MDH1B: variants seen among roughly 807,000 people sequenced by gnomAD.
MDH1B encodes putative malate dehydrogenase 1B.
MDH1B carries 60 observed loss-of-function variants against 61.4 expected under a neutral mutation model. The observed-to-expected ratio is 0.98, with a 90% confidence interval of 0.79 to 1.21. The LOEUF is 1.21. Ranked by LOEUF, MDH1B falls within the 50% of genes most tolerant of loss-of-function variation. The pLI, the probability that MDH1B is intolerant of heterozygous loss-of-function variation, is 0.00. For synonymous variants in MDH1B, 236 were observed against 218.7 expected (o/e 1.08, Z -0.70); for missense variants, 587 against 632.1 (o/e 0.93, Z 0.76).
chr2:206,761,142 A>T, intron 1 of MDH1B, 129 bp from the exon 2 acceptor site: 1 of 509,466 alleles, frequency 2.0e-6, no homozygotes, highest in Non-Finnish European at 3.5e-6. Context: ...AAGTTGCAGT[A>T]TAAACTGCTA....
At chr2:206,764,539 T>C (rs138661587) in intron 1 of MDH1B, among the ~76,000 whole-genome samples, 2 of 152,300 alleles carry the variant, frequency 1.3e-5, no homozygotes, top group East Asian at 1.9e-4. Context: ...GTAGGTACCA[T>C]GGATTGTTGT....
Position 206,757,053 on chromosome 2 carries a change from A to G in MDH1B, c.271-13T>C, listed in dbSNP as rs1414995948. On this transcript the variant is annotated splice_polypyrimidine_tract_variant and intron_variant, in intron 3 of 11. Coordinates refer to ENST00000374412, the MANE Select transcript of MDH1B (RefSeq NM_001039845.3). ...CATCATAGTAAAGCTAAATATTGGG[A>G]GAGAAAAAGTCAATATCAGAGAATA... The G allele has an allele frequency of 1.9e-6, 3 of 1,609,458 alleles. No individual in the cohort carries two copies. Among genetic ancestry groups the G allele is most frequent in the Non-Finnish European group, 2.5e-6 (3 of 1,177,582 alleles).
At chr2:206,765,133 A>T in intron 1 of MDH1B, 117 bp downstream of exon 1, 1 of 1,307,602 alleles carries the variant, frequency 7.6e-7, no homozygotes. Flanking sequence ...AACTTTGAAT[A>T]AATCTATAGC....
chr2:206,765,180 G>A (rs3828294), intron 1 of MDH1B, 70 bp downstream of exon 1: 493,485 of 1,565,246 alleles, frequency 0.32, 91,455 homozygotes, highest in East Asian at 0.72. Context: ...CTGCCAAGCC[G>A]AGCGGCCATG....
In MDH1B at chr2:206,760,978, G is replaced by A. The variant is rs1417212020; in HGVS notation, c.58C>T (p.Leu20Phe). Residue 20 changes from leucine (L) to phenylalanine (F), a missense_variant, in exon 2 of 12, where the codon CTT becomes TTT. Leu to Phe is a conservative substitution (Grantham distance 22, BLOSUM62 0). Coordinates refer to ENST00000374412, the MANE Select transcript of MDH1B (RefSeq NM_001039845.3). The part of the protein sequence containing the change: ...ADCPYYAKTE[L>F]VADYLQKNLP... ...TTCTTTTGTAAATAGTCTGCCACAA[G>A]TTCTGTTTTAGCATAATATGGACAA... 1 of 1,611,712 alleles carries A rather than the reference G, an allele frequency of 6.2e-7. No individual in the cohort carries two copies. The highest frequency in any genetic ancestry group is 8.5e-7 in the Non-Finnish European group (1 of 1,178,124).
At chr2:206,745,696 G>C in intron 8 of MDH1B, 23 bp from the exon 9 acceptor site, 1 of 1,406,700 alleles carries the variant, frequency 7.1e-7, no homozygotes, top group Non-Finnish European at 1.0e-6. Context: ...TATAATCACA[G>C]AATTAAATGA....
At chr2:206,763,931 G>A (rs1306035516) in intron 1 of MDH1B, among the ~76,000 whole-genome samples, 1 of 152,032 alleles carries the variant, frequency 6.6e-6, no homozygotes, top group African/African-American at 2.4e-5. Context: ...ACCCTGCCCT[G>A]TCAGTGTCAT....
At position 206,765,264 on chromosome 2, in the gene MDH1B, T is replaced by C. The variant is rs1400984926; in HGVS notation, c.8A>G (p.Lys3Arg). 1 of 1,601,966 alleles carries C rather than the reference T, an allele frequency of 6.2e-7. No homozygotes were observed. Among genetic ancestry groups the C allele is most frequent in the African/African-American group, 1.4e-5 (1 of 74,068 alleles). The change falls in exon 1 of 12, where the codon AAA (lysine) becomes AGA (arginine). Residue 3 changes from lysine to arginine, a missense_variant. Physicochemically the swap from Lys to Arg is conservative, Grantham distance 26. Coordinates refer to ENST00000374412, the MANE Select transcript of MDH1B (RefSeq NM_001039845.3). MA[K>R]FVIAGRADCP... ...GGATCACTCACCCGCGATGACGAATTTGGCCATGGTCGAGAGAGACTCAGA... is the reference window on the plus strand; with the variant it reads ...GGATCACTCACCCGCGATGACGAATCTGGCCATGGTCGAGAGAGACTCAGA...
intron 4 of MDH1B, 153 bp downstream of exon 4, chr2:206,756,745 G>A: frequency 1.5e-6 from 1 of 670,810 alleles, no homozygotes; most frequent in South Asian, 2.0e-5. Flanking sequence ...ACACAGAGAT[G>A]CATATGTATA....
intron 2 of MDH1B, 41 bp from the exon 3 acceptor site, chr2:206,757,412 G>C: frequency 6.3e-7 from 1 of 1,588,626 alleles, no homozygotes; most frequent in Non-Finnish European, 8.6e-7. Context: ...TATTAAATCT[G>C]CCTGAGAATT....
At chr2:206,747,702 A>T (rs1255980167) in intron 7 of MDH1B, among the ~76,000 whole-genome samples, 1 of 152,238 alleles carries the variant, frequency 6.6e-6, no homozygotes, top group Admixed American at 6.5e-5. Context: ...GTGATAGGCG[A>T]ACAAAATGCT....
chr2:206,741,134 G>C (rs368118989), intron 9 of MDH1B, 30 bp from the exon 10 acceptor site: 1 of 1,611,460 alleles, frequency 6.2e-7, no homozygotes, highest in African/African-American at 1.3e-5. Flanking sequence ...AAACATGCTG[G>C]ATTTAGAATA....
Position 206,755,370 on chromosome 2 carries a change from C to A in MDH1B, c.549G>T (p.Glu183Asp), listed in dbSNP as rs2105942792. ...AEEHLKSLVV[E>D]TQDLASPVLR... ...GGACGGGAGATGCCAGGTCTTGGGT[C>A]TCCACCACAAGGCTTTTGAGATGTT... is the stretch of plus-strand genomic sequence containing the variant. The change falls in exon 5 of 12, where the codon GAG becomes GAT. Residue 183 changes from glutamate to aspartate, a missense_variant. Physicochemically the swap from Glu to Asp is conservative, Grantham distance 45. Coordinates refer to ENST00000374412, the MANE Select transcript of MDH1B (RefSeq NM_001039845.3). The A allele has an allele frequency of 6.2e-7, 1 of 1,614,192 alleles. No individual in the cohort carries two copies. The highest frequency in any genetic ancestry group is 8.5e-7 in the Non-Finnish European group (1 of 1,180,036).
intron 5 of MDH1B, among the ~76,000 whole-genome samples, chr2:206,752,804 T>G (rs886210092): frequency 2.0e-5 from 3 of 151,854 alleles, no homozygotes; most frequent in African/African-American, 7.3e-5. Context: ...TTTTTTTTTT[T>G]TTTCATTAAG....
At chr2:206,746,180 T>TA (rs984990958) in intron 8 of MDH1B, 107 bp downstream of exon 8, 270 of 972,022 alleles carry the variant, frequency 2.8e-4, no homozygotes, top group Non-Finnish European at 3.4e-4. Flanking sequence ...TTTTAAGAAT[T>TA]AAAAAAAAAT....
intron 1 of MDH1B, among the ~76,000 whole-genome samples, chr2:206,765,012 C>T (rs1250224923): frequency 6.6e-6 from 1 of 152,228 alleles, no homozygotes; most frequent in African/African-American, 2.4e-5. Flanking sequence ...ATCAAAAGTA[C>T]ATGTTCTGTG....
chr2:206,745,300 C>T, intron 9 of MDH1B: 1 of 486,638 alleles, frequency 2.1e-6, no homozygotes, highest in African/African-American at 1.9e-5. Flanking sequence ...TTCTAGTCTC[C>T]TGAGCTGTGA....
At chr2:206,747,899 G>C (rs933971355) in intron 7 of MDH1B, among the ~76,000 whole-genome samples, 2 of 150,012 alleles carry the variant, frequency 1.3e-5, no homozygotes, top group Non-Finnish European at 2.9e-5. Context: ...TATGTTGGAT[G>C]GAAGTGATGA....
At chr2:206,756,680 T>G in intron 4 of MDH1B, 1 of 529,620 alleles carries the variant, frequency 1.9e-6, no homozygotes, top group Non-Finnish European at 3.3e-6. Context: ...ACTGTGTTTG[T>G]GTCTATAAAA....
Sources: gnomAD v4.1 joint callset for allele counts (sites outside exome capture counted in the v4.1 genomes callset) on GRCh38, gnomAD v4.1.1 for gene constraint, MANE v1.5 for transcripts, NCBI Gene and HGNC (gene_info 2026-07-23, HGNC 2026-07-21) for gene names.